The following CEP112 variants were observed in gnomAD, a reference collection of about 807,000 sequenced individuals.
CEP112 encodes the protein centrosomal protein 112, also known as centrosomal protein of 112 kDa.
A neutral mutation model predicts 153.0 loss-of-function variants in CEP112; 127 were observed. The observed-to-expected ratio is 0.83, with a 90% CI of 0.72 to 0.96. The LOEUF is 0.96. Among genes scored for constraint, CEP112 ranks in the 40% least tolerant of loss-of-function variants. The pLI, the probability that CEP112 is intolerant of heterozygous loss-of-function variation, is 0.00. For missense variants in CEP112, 1,089 were observed against 1,101.2 expected (o/e 0.99, Z 0.16); for synonymous variants, 358 against 374.4 (o/e 0.96, Z 0.51).
chr17:65,674,678 A>G (rs1260053339), intron 24 of CEP112, among the ~76,000 whole-genome samples: 1 of 152,338 alleles, frequency 6.6e-6, no homozygotes, highest in Non-Finnish European at 1.5e-5. Context: ...TTGAAAATAA[A>G]TTAAGGCTAT....
intron 8 of CEP112, among the ~76,000 whole-genome samples, chr17:66,072,100 T>G (rs577401125): frequency 6.6e-6 from 1 of 152,180 alleles, no homozygotes; most frequent in Admixed American, 6.5e-5. Flanking sequence ...TTGCCCTATA[T>G]GCTTTGTCAT....
At chr17:65,751,312 A>T (rs904190837) in intron 21 of CEP112, among the ~76,000 whole-genome samples, 5 of 152,184 alleles carry the variant, frequency 3.3e-5, no homozygotes, top group Admixed American at 2.0e-4. Context: ...CAATCAGTCC[A>T]CATTGCTTAG....
At chr17:65,806,396 C>T (rs970100468) in intron 21 of CEP112, among the ~76,000 whole-genome samples, 1 of 152,178 alleles carries the variant, frequency 6.6e-6, no homozygotes, top group Non-Finnish European at 1.5e-5. Flanking sequence ...ACGTGTCCCA[C>T]GATATTCATG....
chr17:66,053,990 G>A, intron 11 of CEP112, 111 bp from the exon 12 acceptor site: 1 of 698,308 alleles, frequency 1.4e-6, no homozygotes, highest in Non-Finnish European at 2.2e-6. Context: ...ATGATGACCT[G>A]AACACCAAAA....
intron 18 of CEP112, among the ~76,000 whole-genome samples, chr17:65,937,533 C>T (rs2061363109): frequency 1.5e-5 from 2 of 137,834 alleles, no homozygotes; most frequent in African/African-American, 2.6e-5. Flanking sequence ...AGGAGCCCCT[C>T]TGCCCGGCCA....
At chr17:65,783,657 C>A (rs1047877198) in intron 21 of CEP112, among the ~76,000 whole-genome samples, 1 of 152,184 alleles carries the variant, frequency 6.6e-6, no homozygotes, top group African/African-American at 2.4e-5. Context: ...ATTACTTCGC[C>A]ACTTCATTTT....
intron 23 of CEP112, among the ~76,000 whole-genome samples, chr17:65,732,892 T>C (rs2050591030): frequency 6.6e-6 from 1 of 152,244 alleles, no homozygotes; most frequent in Admixed American, 6.5e-5. Context: ...ATTTTCTCCA[T>C]ATCACCACAA....
At chr17:65,970,203 C>CAT (rs10650539) in intron 17 of CEP112, among the ~76,000 whole-genome samples, 63,629 of 151,652 alleles carry the variant, frequency 0.42, 15,126 homozygotes, top group East Asian at 0.87. Flanking sequence ...ATGCTGCATG[C>CAT]ATGTCATGCA....
intron 8 of CEP112, among the ~76,000 whole-genome samples, chr17:66,092,805 T>C (rs771640772): frequency 5.9e-5 from 9 of 152,116 alleles, no homozygotes; most frequent in Non-Finnish European, 5.9e-5. Context: ...GAAAAAGCAT[T>C]TACAAAATTC....
chr17:65,806,707 T>C (rs1480572085), intron 21 of CEP112, among the ~76,000 whole-genome samples: 2 of 152,172 alleles, frequency 1.3e-5, no homozygotes, highest in Non-Finnish European at 2.9e-5. Context: ...GATGGGAAGA[T>C]GTGTCTTGCT....
At chr17:65,694,667 G>A (rs1325892478) in intron 23 of CEP112, among the ~76,000 whole-genome samples, 1 of 152,116 alleles carries the variant, frequency 6.6e-6, no homozygotes, top group Admixed American at 6.6e-5. Flanking sequence ...AGTTTATATT[G>A]GCAGCTGGTC....
chr17:65,740,162 A>G (rs1234228526), intron 23 of CEP112, among the ~76,000 whole-genome samples: 4 of 152,162 alleles, frequency 2.6e-5, no homozygotes, highest in African/African-American at 9.7e-5. Context: ...AACATTTTCA[A>G]TATCCTTATA....
At chr17:66,092,310 G>A (rs1055122102) in intron 8 of CEP112, among the ~76,000 whole-genome samples, 2 of 150,628 alleles carry the variant, frequency 1.3e-5, no homozygotes, top group African/African-American at 4.9e-5. Context: ...AAAGTGCTGG[G>A]ATTACAGGTG....
chr17:65,843,049 T>C (rs1318343681), intron 21 of CEP112, among the ~76,000 whole-genome samples: 2 of 152,112 alleles, frequency 1.3e-5, no homozygotes, highest in African/African-American at 4.8e-5. Context: ...CTATAAAAAG[T>C]GTTAGTTTTT....
chr17:66,118,003 G>A (rs1370771055), intron 6 of CEP112, among the ~76,000 whole-genome samples: 1 of 152,110 alleles, frequency 6.6e-6, no homozygotes, highest in East Asian at 1.9e-4. Flanking sequence ...CAAAATGACA[G>A]GCAATAAAGG....
chr17:65,681,921 C>T (rs191796429), intron 24 of CEP112, among the ~76,000 whole-genome samples: 123 of 152,058 alleles, frequency 8.1e-4, no homozygotes, highest in African/African-American at 2.7e-3. Flanking sequence ...CTCAAGCAGC[C>T]TGCTTGTCTC....
intron 22 of CEP112, among the ~76,000 whole-genome samples, chr17:65,745,814 G>A (rs767206717): frequency 2.6e-5 from 4 of 152,110 alleles, no homozygotes; most frequent in Non-Finnish European, 5.9e-5. Context: ...AGACTAGCTT[G>A]TAACTGACCA....
chr17:66,066,024 G>C (rs1441440691), intron 10 of CEP112, among the ~76,000 whole-genome samples: 1 of 152,108 alleles, frequency 6.6e-6, no homozygotes, highest in Non-Finnish European at 1.5e-5. Context: ...TCCCATCCCA[G>C]TACCTGCAAC....
At chr17:65,781,599 A>G (rs1231527318) in intron 21 of CEP112, among the ~76,000 whole-genome samples, 4 of 152,200 alleles carry the variant, frequency 2.6e-5, no homozygotes, top group Non-Finnish European at 5.9e-5. Flanking sequence ...CCTGGCTTCA[A>G]ACTATACTAT....
Sources: allele counts gnomAD v4.1 joint callset (sites outside exome capture counted in the v4.1 genomes callset), GRCh38; gene constraint gnomAD v4.1.1; transcripts MANE v1.5; gene names NCBI Gene and HGNC (gene_info 2026-07-23, HGNC 2026-07-21).